The following FBXO36 variants were observed in gnomAD, a reference collection of about 807,000 sequenced individuals.
The protein encoded by FBXO36 is F-box protein 36, also known as F-box only protein 36.
Under a neutral mutation model 17.0 loss-of-function variants are expected in FBXO36, and 18 were observed. The observed-to-expected ratio is 1.06, with a 90% CI of 0.73 to 1.57. The LOEUF (loss-of-function observed/expected upper bound fraction) is 1.57. Among genes scored for constraint, FBXO36 ranks in the 40% most tolerant of loss-of-function variants. FBXO36 has a pLI of 0.00. For missense variants in FBXO36, 229 were observed against 221.9 expected, an observed-to-expected ratio of 1.03 and a Z score of -0.20; for synonymous variants, 83 against 85.3, an observed-to-expected ratio of 0.97 and a Z score of 0.15.
At chr2:229,952,625 C>T (rs985553862) in intron 1 of FBXO36, among the ~76,000 whole-genome samples, 1 of 152,106 alleles carries the variant, frequency 6.6e-6, no homozygotes. Context: ...ATCTAAAGTG[C>T]CTCGCATCCC....
intron 1 of FBXO36, among the ~76,000 whole-genome samples, chr2:229,928,093 T>C (rs1376067149): frequency 6.6e-6 from 1 of 152,228 alleles, no homozygotes; most frequent in Non-Finnish European, 1.5e-5. Context: ...CTATCACATG[T>C]GCACAAGGAT....
Position 230,010,884 on chromosome 2 carries a change from G to C in FBXO36, c.567G>C (p.Ter189TyrextTer28), listed in dbSNP as rs745938616. 2 of 1,605,598 alleles carry C rather than the reference G, an allele frequency of 1.2e-6. No individual in the cohort carries two copies. The highest frequency in any genetic ancestry group is 1.7e-4 in the Middle Eastern group (1 of 6,034). Reference protein sequence around the residue: ...KYGNLREKQP* With the variant: ...KYGNLREKQPY ...GAAACCTGAGAGAAAAGCAACCTTA[G>C]GCACACATTTTCCTACCAGCAGGGA... Residue 189 changes from the stop codon to tyrosine, a stop_lost, in exon 4 of 4, where the codon TAG (stop) becomes TAC (tyrosine). Coordinates refer to ENST00000283946, the MANE Select transcript of FBXO36 (RefSeq NM_174899.5).
At chr2:229,979,027 A>G (rs2077224551) in intron 2 of FBXO36, among the ~76,000 whole-genome samples, 1 of 151,908 alleles carries the variant, frequency 6.6e-6, no homozygotes, top group African/African-American at 2.4e-5. Flanking sequence ...AAATATAAAA[A>G]TTAGCCGGGC....
intron 3 of FBXO36, among the ~76,000 whole-genome samples, chr2:229,998,516 G>T (rs1010407292): frequency 5.3e-5 from 8 of 152,108 alleles, no homozygotes; most frequent in Non-Finnish European, 1.0e-4. Flanking sequence ...CAGCTACTAG[G>T]GGGGCTGAGG....
chr2:229,944,678 C>A (rs916768975), intron 1 of FBXO36, among the ~76,000 whole-genome samples: 6 of 150,882 alleles, frequency 4.0e-5, no homozygotes, highest in African/African-American at 7.3e-5. Context: ...CTGCAAGCTC[C>A]GCCTCCTGGG....
At chr2:229,978,611 G>A (rs1010133984) in intron 2 of FBXO36, among the ~76,000 whole-genome samples, 37 of 151,946 alleles carry the variant, frequency 2.4e-4, no homozygotes, top group African/African-American at 7.7e-4. Flanking sequence ...AATAATAATA[G>A]TAATATTTTA....
intron 3 of FBXO36, among the ~76,000 whole-genome samples, chr2:230,001,591 T>TA (rs1159773803): frequency 6.6e-6 from 1 of 152,134 alleles, no homozygotes; most frequent in Non-Finnish European, 1.5e-5. Context: ...CCCAACCTTA[T>TA]AAGTTATTTT....
chr2:229,967,718 G>A (rs2077160631), intron 1 of FBXO36, among the ~76,000 whole-genome samples: 1 of 152,124 alleles, frequency 6.6e-6, no homozygotes, highest in African/African-American at 2.4e-5. Context: ...TTGCATCCCA[G>A]GGATGAAGCC....
chr2:229,991,076 C>G (rs746190504), intron 2 of FBXO36, among the ~76,000 whole-genome samples: 1 of 151,906 alleles, frequency 6.6e-6, no homozygotes, highest in Non-Finnish European at 1.5e-5. Context: ...GCTGGGATTG[C>G]AGGCAAGCAC....
intron 1 of FBXO36, among the ~76,000 whole-genome samples, chr2:229,962,651 T>C (rs1446838234): frequency 6.6e-6 from 1 of 151,724 alleles, no homozygotes; most frequent in Non-Finnish European, 1.5e-5. Flanking sequence ...ATTACAAGCA[T>C]GAGCCACTGC....
At chr2:229,931,279 A>C (rs1300231047) in intron 1 of FBXO36, among the ~76,000 whole-genome samples, 1 of 152,170 alleles carries the variant, frequency 6.6e-6, no homozygotes, top group South Asian at 2.1e-4. Flanking sequence ...TTTCCCAGGT[A>C]AATTGTTCAC....
chr2:229,998,443 A>G (rs1355335504), intron 3 of FBXO36, among the ~76,000 whole-genome samples: 1 of 152,130 alleles, frequency 6.6e-6, no homozygotes, highest in Admixed American at 6.6e-5. Context: ...ACCAGCATGG[A>G]GAAAACCTGT....
chr2:230,008,180 G>GGTTCT (rs944546596), intron 3 of FBXO36, among the ~76,000 whole-genome samples: 1 of 152,116 alleles, frequency 6.6e-6, no homozygotes, highest in African/African-American at 2.4e-5. Flanking sequence ...TGGAGAGCTG[G>GGTTCT]GTTCTGTTCT....
chr2:229,984,127 A>G (rs998550423), intron 2 of FBXO36, among the ~76,000 whole-genome samples: 17 of 152,036 alleles, frequency 1.1e-4, no homozygotes, highest in Non-Finnish European at 1.5e-5. Flanking sequence ...AGGCGGGTGG[A>G]TCCCGAGGTC....
intron 3 of FBXO36, among the ~76,000 whole-genome samples, chr2:230,009,879 G>A (rs2077406311): frequency 6.6e-6 from 1 of 152,190 alleles, no homozygotes; most frequent in African/African-American, 2.4e-5. Context: ...CCAGTAGGCG[G>A]AGGTTGCAGT....
chr2:229,973,262 T>TA (rs1038309409), intron 1 of FBXO36: 1 of 151,906 alleles, frequency 6.6e-6, no homozygotes, highest in Non-Finnish European at 1.5e-5. Context: ...TTTTATCACT[T>TA]AAAAAAATCA....
At chr2:229,975,939 C>T (rs1333213780) in intron 1 of FBXO36, among the ~76,000 whole-genome samples, 1 of 152,110 alleles carries the variant, frequency 6.6e-6, no homozygotes, top group African/African-American at 2.4e-5. Flanking sequence ...TCCCAAGTAG[C>T]TCAAGTGATC....
At chr2:229,923,922 G>C (rs1170312136) in intron 1 of FBXO36, among the ~76,000 whole-genome samples, 10 of 137,834 alleles carry the variant, frequency 7.3e-5, no homozygotes, top group Non-Finnish European at 1.5e-4. Context: ...GCGCGATCTC[G>C]GCTCACTGCG....
chr2:229,978,280 T>G (rs909487327), intron 2 of FBXO36, among the ~76,000 whole-genome samples: 1 of 151,548 alleles, frequency 6.6e-6, no homozygotes, highest in Admixed American at 6.6e-5. Flanking sequence ...AGAGCAAGAA[T>G]GTCTCAAAAA....
Sources: gnomAD v4.1 joint callset for allele counts (sites outside exome capture counted in the v4.1 genomes callset) on GRCh38, gnomAD v4.1.1 for gene constraint, MANE v1.5 for transcripts, NCBI Gene and HGNC (gene_info 2026-07-23, HGNC 2026-07-21) for gene names.